SPAG16: variants seen among roughly 807,000 people sequenced by gnomAD.
SPAG16 encodes the protein sperm-associated antigen 16 protein.
Under a neutral mutation model 80.4 loss-of-function variants are expected in SPAG16, and 86 were observed. The observed-to-expected ratio is 1.07, with a 90% CI of 0.90 to 1.28. The LOEUF (loss-of-function observed/expected upper bound fraction) is 1.28. Among genes scored for constraint, SPAG16 ranks in the 50% most tolerant of loss-of-function variants. The pLI, the probability that SPAG16 is intolerant of heterozygous loss-of-function variation, is 0.00. For synonymous variants in SPAG16, 294 were observed against 265.9 expected (o/e 1.11, Z -1.03); for missense variants, 870 against 765.3 (o/e 1.14, Z -1.61).
At chr2:213,699,801 G>A (rs757795504) in intron 10 of SPAG16, among the ~76,000 whole-genome samples, 1 of 152,142 alleles carries the variant, frequency 6.6e-6, no homozygotes, top group Non-Finnish European at 1.5e-5. Flanking sequence ...ATTTGTCATT[G>A]TCTTTCTGGA....
chr2:214,032,222 C>T (rs1575896238), intron 13 of SPAG16, among the ~76,000 whole-genome samples: 1 of 152,146 alleles, frequency 6.6e-6, no homozygotes, highest in East Asian at 1.9e-4. Flanking sequence ...TTGCTCATGT[C>T]TGGTTGACAA....
intron 15 of SPAG16, among the ~76,000 whole-genome samples, chr2:214,343,961 C>T (rs187343103): frequency 7.2e-5 from 11 of 152,128 alleles, no homozygotes; most frequent in Non-Finnish European, 1.0e-4. Context: ...CAACCATATG[C>T]GAATGGACTT....
chr2:213,898,734 T>C (rs557675327), intron 11 of SPAG16, among the ~76,000 whole-genome samples: 1 of 152,246 alleles, frequency 6.6e-6, no homozygotes, highest in South Asian at 2.1e-4. Flanking sequence ...AAATTTGGAT[T>C]TCTGAAAAGT....
chr2:213,531,920 C>T (rs940248494), intron 10 of SPAG16, among the ~76,000 whole-genome samples: 1 of 152,080 alleles, frequency 6.6e-6, no homozygotes, highest in Admixed American at 6.6e-5. Context: ...GAGCTATGTA[C>T]ATTGTATCTT....
At chr2:214,296,762 T>C (rs1269208896) in intron 15 of SPAG16, among the ~76,000 whole-genome samples, 2 of 152,226 alleles carry the variant, frequency 1.3e-5, no homozygotes, top group African/African-American at 2.4e-5. Context: ...AATTTCATGT[T>C]GAAATGCCAT....
At chr2:213,355,475 A>G (rs1182071526) in intron 7 of SPAG16, among the ~76,000 whole-genome samples, 1 of 152,202 alleles carries the variant, frequency 6.6e-6, no homozygotes, top group African/African-American at 2.4e-5. Flanking sequence ...TTTTCAAGAT[A>G]TTGATTGTTC....
At chr2:213,323,586 A>G (rs777458767) in intron 5 of SPAG16, among the ~76,000 whole-genome samples, 22 of 152,236 alleles carry the variant, frequency 1.4e-4, no homozygotes, top group Admixed American at 5.9e-4. Context: ...TTAAAATTCA[A>G]ACTACCATAT....
In SPAG16 at chr2:214,095,396, T is replaced by C. The variant is rs534413601; in HGVS notation, c.1528-12800T>C. ...GAGCTTCAAATTAATCACACGTGTC[T>C]ATCATACACGGTGACTGGTGTTCAC... On this transcript the variant is annotated intron_variant, in intron 13 of 15. Coordinates refer to ENST00000331683, the MANE Select transcript of SPAG16 (RefSeq NM_024532.5). Among the ~76,000 whole-genome samples, 44 of 152,228 alleles carry C rather than the reference T, an allele frequency of 2.9e-4. 1 individual carries two copies. In the South Asian group the frequency reaches 3.9e-3, roughly 14 times the overall value.
chr2:213,462,895 TG>T (rs1359570271), intron 9 of SPAG16, among the ~76,000 whole-genome samples: 1 of 151,996 alleles, frequency 6.6e-6, no homozygotes, highest in African/African-American at 2.4e-5. Context: ...TACCCCAAAA[TG>T]TGGAAGCTAC....
intron 12 of SPAG16, among the ~76,000 whole-genome samples, chr2:213,938,602 C>A (rs1216245166): frequency 6.6e-6 from 1 of 151,834 alleles, no homozygotes; most frequent in Non-Finnish European, 1.5e-5. Context: ...AGACAACAAC[C>A]ACTATTATTA....
In SPAG16 at chr2:213,448,088, A is replaced by T. The variant is rs549768572; in HGVS notation, c.943-41875A>T. Among the ~76,000 whole-genome samples, 3 of 152,354 alleles carry T rather than the reference A, an allele frequency of 2.0e-5. No homozygotes were observed. In the East Asian group the frequency reaches 5.8e-4, roughly 29 times the overall value. On this transcript the variant is annotated intron_variant, in intron 9 of 15. Coordinates refer to ENST00000331683, the MANE Select transcript of SPAG16 (RefSeq NM_024532.5). ...TGATTGCCAGGCCAATTCCACCCAA[A>T]TGTGGAATTCTCAACAGGGAATTTA...
chr2:213,765,293 C>T (rs932489719), intron 10 of SPAG16, among the ~76,000 whole-genome samples: 6 of 151,960 alleles, frequency 3.9e-5, no homozygotes, highest in South Asian at 2.1e-4. Flanking sequence ...TGCTTGAACC[C>T]GGGAGTCGGA....
intron 9 of SPAG16, among the ~76,000 whole-genome samples, chr2:213,452,731 C>T (rs1399562487): frequency 6.6e-6 from 1 of 152,180 alleles, no homozygotes; most frequent in African/African-American, 2.4e-5. Context: ...GCAACAAACC[C>T]CCTTGTCTCT....
At chr2:213,566,228 A>G (rs924101266) in intron 10 of SPAG16, among the ~76,000 whole-genome samples, 1 of 152,218 alleles carries the variant, frequency 6.6e-6, no homozygotes, top group Non-Finnish European at 1.5e-5. Flanking sequence ...CAAATTGGAT[A>G]GTGAAATTGC....
At chr2:214,130,279 C>T (rs951309887) in intron 14 of SPAG16, among the ~76,000 whole-genome samples, 8 of 152,262 alleles carry the variant, frequency 5.3e-5, no homozygotes, top group South Asian at 4.1e-4. Flanking sequence ...GGATTAATCA[C>T]AGAAAGGGAG....
chr2:214,218,588 A>G (rs1204738154), intron 15 of SPAG16, among the ~76,000 whole-genome samples: 1 of 152,192 alleles, frequency 6.6e-6, no homozygotes, highest in African/African-American at 2.4e-5. Flanking sequence ...GATAAGAGAT[A>G]CTTGTACAAT....
intron 15 of SPAG16, among the ~76,000 whole-genome samples, chr2:214,251,543 A>G (rs1009524594): frequency 2.6e-5 from 4 of 152,138 alleles, no homozygotes; most frequent in Non-Finnish European, 5.9e-5. Flanking sequence ...TTCATGTGCT[A>G]ATGCTCAATA....
chr2:213,793,462 TA>T (rs2070831407), intron 10 of SPAG16, among the ~76,000 whole-genome samples: 1 of 152,164 alleles, frequency 6.6e-6, no homozygotes, highest in African/African-American at 2.4e-5. Context: ...TCTGAATAAA[TA>T]AATTGCCAGT....
At chr2:213,979,839 A>T (rs973238193) in intron 12 of SPAG16, among the ~76,000 whole-genome samples, 4 of 152,058 alleles carry the variant, frequency 2.6e-5, no homozygotes, top group African/African-American at 9.7e-5. Context: ...ACTGTTTTCC[A>T]TAGTACATAA....
Sources: allele counts gnomAD v4.1 joint callset (sites outside exome capture counted in the v4.1 genomes callset), GRCh38; gene constraint gnomAD v4.1.1; transcripts MANE v1.5; gene names NCBI Gene and HGNC (gene_info 2026-07-23, HGNC 2026-07-21).